PLXDC2: variants seen among roughly 807,000 people sequenced by gnomAD.
PLXDC2 encodes plexin domain containing 2.
In PLXDC2, 40 loss-of-function variants were observed where a neutral mutation model predicts 68.9. The observed-to-expected ratio is 0.58, with a 90% CI of 0.45 to 0.76. The LOEUF is 0.76. PLXDC2 is among the 30% of genes least tolerant of loss of function. The pLI is 0.00. For synonymous variants in PLXDC2, 243 were observed against 234.2 expected (o/e 1.04, Z -0.34); for missense variants, 644 against 661.9 (o/e 0.97, Z 0.30).
At chr10:20,250,780 G>A (rs1835665697) in intron 13 of PLXDC2, among the ~76,000 whole-genome samples, 2 of 152,182 alleles carry the variant, frequency 1.3e-5, no homozygotes, top group Admixed American at 6.5e-5. Context: ...GAAATGAATG[G>A]TATAAAAGAA....
At chr10:19,924,642 C>G (rs1833509452) in intron 1 of PLXDC2, among the ~76,000 whole-genome samples, 1 of 152,138 alleles carries the variant, frequency 6.6e-6, no homozygotes, top group Non-Finnish European at 1.5e-5. Flanking sequence ...ATAAAATCCC[C>G]AGATCTGTAT....
intron 1 of PLXDC2, among the ~76,000 whole-genome samples, chr10:19,859,413 C>G (rs190825818): frequency 3.0e-4 from 46 of 152,314 alleles, no homozygotes; most frequent in African/African-American, 9.4e-4. Flanking sequence ...GTTTCCAACA[C>G]TCTTTTTTCA....
chr10:19,891,137 T>C (rs930206814), intron 1 of PLXDC2, among the ~76,000 whole-genome samples: 1 of 152,160 alleles, frequency 6.6e-6, no homozygotes, highest in African/African-American at 2.4e-5. Flanking sequence ...CCCTGAAAAA[T>C]ATAAGTACCC....
rs189952127 is a variant in PLXDC2 at position 20,228,289 on chromosome 10, G to A, written c.1312+9187G>A. On this transcript the variant is annotated intron_variant, in intron 12 of 13. Transcript: ENST00000377252. ...AAAGATGAAAAGAGTGACTAGGCACGGTGGCTCACGCCTGTAATCCCAGCA... is the reference window on the plus strand; with the variant it reads ...AAAGATGAAAAGAGTGACTAGGCACAGTGGCTCACGCCTGTAATCCCAGCA... 8.8e-3 allele frequency among the ~76,000 whole-genome samples: 1,344 copies of A among 152,176 alleles called. 22 individuals carry two copies. The highest frequency in any genetic ancestry group is 0.032 in the African/African-American group (1,310 of 41,532).
At chr10:19,966,303 A>AAG (rs1834249762) in intron 1 of PLXDC2, among the ~76,000 whole-genome samples, 2 of 88,954 alleles carry the variant, frequency 2.2e-5, no homozygotes, top group Non-Finnish European at 4.9e-5. Context: ...ATATATGTGT[A>AAG]TCAGCCATTT....
rs556518688 is a variant in PLXDC2 at position 20,152,470 on chromosome 10, A to G, written c.783+4568A>G. ...TTTTAAATTATGGGCCCTTACTGTT[A>G]CACAGCTGCATATTTTAATTAACTT... On this transcript the variant is annotated intron_variant, in intron 6 of 13. Transcript: ENST00000377252. Among the ~76,000 whole-genome samples the G allele has an allele frequency of 3.0e-4, 46 of 152,234 alleles. 1 individual carries two copies. In the South Asian group the frequency reaches 8.5e-3, roughly 28 times the overall value.
intron 9 of PLXDC2, among the ~76,000 whole-genome samples, chr10:20,189,604 G>A (rs1297993799): frequency 6.8e-6 from 1 of 146,826 alleles, no homozygotes; most frequent in Non-Finnish European, 1.5e-5. Flanking sequence ...GGCAATTTGG[G>A]CACTCAGAAA....
At chr10:19,957,396 T>C (rs1053935074) in intron 1 of PLXDC2, among the ~76,000 whole-genome samples, 1 of 152,132 alleles carries the variant, frequency 6.6e-6, no homozygotes, top group African/African-American at 2.4e-5. Flanking sequence ...AAGTAGCCCT[T>C]AAAGTATTTT....
intron 13 of PLXDC2, among the ~76,000 whole-genome samples, chr10:20,265,935 G>A (rs75599089): frequency 0.09 from 13,655 of 152,142 alleles, 686 homozygotes; most frequent in South Asian, 0.11. Context: ...TACGGTCCCC[G>A]GAGAATGGAA....
intron 1 of PLXDC2, among the ~76,000 whole-genome samples, chr10:19,957,295 A>T (rs1834085856): frequency 6.6e-6 from 1 of 152,148 alleles, no homozygotes; most frequent in South Asian, 2.1e-4. Flanking sequence ...TGTTGACTCT[A>T]TAAATGATTT....
At chr10:20,247,658 C>A (rs2119340375) in intron 13 of PLXDC2, among the ~76,000 whole-genome samples, 1 of 152,268 alleles carries the variant, frequency 6.6e-6, no homozygotes, top group South Asian at 2.1e-4. Context: ...CTCTGGCATT[C>A]ATCTTTCTGT....
intron 3 of PLXDC2, among the ~76,000 whole-genome samples, chr10:20,051,839 G>A (rs981722040): frequency 2.0e-5 from 3 of 151,934 alleles, no homozygotes; most frequent in African/African-American, 2.4e-5. Context: ...TTTCTCAAGA[G>A]GGCCAGATAA....
At chr10:20,201,854 C>T (rs1487473334) in intron 9 of PLXDC2, among the ~76,000 whole-genome samples, 3 of 151,948 alleles carry the variant, frequency 2.0e-5, no homozygotes, top group Non-Finnish European at 2.9e-5. Context: ...GTTGTGATTC[C>T]GATTAATTGA....
intron 6 of PLXDC2, among the ~76,000 whole-genome samples, chr10:20,154,336 G>A (rs1241436458): frequency 6.6e-6 from 1 of 152,126 alleles, no homozygotes; most frequent in Non-Finnish European, 1.5e-5. Flanking sequence ...AGGCCAAGGT[G>A]GGCTGATCAC....
intron 1 of PLXDC2, among the ~76,000 whole-genome samples, chr10:19,976,696 C>G (rs149206331): frequency 6.6e-5 from 10 of 152,238 alleles, no homozygotes; most frequent in African/African-American, 2.4e-4. Context: ...TGCTGGGAAA[C>G]TTACTTGGAT....
At chr10:20,260,876 A>G (rs1835801258) in intron 13 of PLXDC2, among the ~76,000 whole-genome samples, 1 of 152,144 alleles carries the variant, frequency 6.6e-6, no homozygotes, top group African/African-American at 2.4e-5. Context: ...TGTCTTTTCA[A>G]TAATATTCAT....
intron 13 of PLXDC2, among the ~76,000 whole-genome samples, chr10:20,253,009 C>T (rs1432684766): frequency 6.6e-6 from 1 of 151,754 alleles, no homozygotes; most frequent in Admixed American, 6.6e-5. Flanking sequence ...GCTCTAGATA[C>T]AGATTAGTTA....
intron 9 of PLXDC2, among the ~76,000 whole-genome samples, chr10:20,184,525 G>A (rs1371135610): frequency 6.6e-6 from 1 of 151,662 alleles, no homozygotes; most frequent in African/African-American, 2.4e-5. Flanking sequence ...ATGTATTATT[G>A]ATTAAAATTA....
At chr10:19,969,646 A>G (rs1272830052) in intron 1 of PLXDC2, among the ~76,000 whole-genome samples, 1 of 152,222 alleles carries the variant, frequency 6.6e-6, no homozygotes, top group Non-Finnish European at 1.5e-5. Context: ...TGGACATACC[A>G]TGGGAAGATC....
Sources: gnomAD v4.1 joint callset for allele counts (sites outside exome capture counted in the v4.1 genomes callset) on GRCh38, gnomAD v4.1.1 for gene constraint, MANE v1.5 for transcripts, NCBI Gene and HGNC (gene_info 2026-07-23, HGNC 2026-07-21) for gene names.